Variants in ITGA10 observed in about 807,000 individuals in gnomAD.
ITGA10 encodes integrin subunit alpha 10.
In ITGA10, 105 loss-of-function variants were observed where a neutral mutation model predicts 145.2. The observed-to-expected ratio is 0.72, with a 90% CI of 0.62 to 0.85. The LOEUF is 0.85. Ranked by LOEUF, ITGA10 falls within the 40% of genes least tolerant of loss-of-function variation. ITGA10 has a pLI of 0.00. For synonymous variants in ITGA10, 506 were observed against 557.8 expected, an observed-to-expected ratio of 0.91 and a Z score of 1.31; for missense variants, 1,317 against 1,444.5, an observed-to-expected ratio of 0.91 and a Z score of 1.43.
Position 145,902,230 on chromosome 1 carries a change from G to A in ITGA10, c.1149+16C>T. The stretch of plus-strand genomic sequence containing the variant: ...CAGAGAATGGGAGAAGTAATGAAGG[G>A]GTCAATCTGTCCAACCTTTAGCCGA... On this transcript the variant is annotated intron_variant, in intron 10 of 29. Coordinates refer to ENST00000369304, the MANE Select transcript of ITGA10 (RefSeq NM_003637.5). 13 of 1,612,536 alleles carry A rather than the reference G, an allele frequency of 8.1e-6. No individual in the cohort carries two copies. Among genetic ancestry groups the A allele is most frequent in the Non-Finnish European group, 1.1e-5 (13 of 1,178,660 alleles).
rs1553745516 is a variant in ITGA10, at chr1:145,897,238, C to T, written c.2667+9G>A. On this transcript the variant is annotated intron_variant, in intron 21 of 29. Transcript: ENST00000369304. The stretch of plus-strand genomic sequence containing the variant: ...TAGAGCCCTCTTTTCATCCTAGACC[C>T]CAACCCACCTTGGCTCCAGTCTGGA... 3.7e-6 allele frequency: 6 copies of T among 1,613,880 alleles called. No homozygotes were observed. In the Admixed American group the frequency reaches 8.3e-5, roughly 22 times the overall value.
rs781902825 is a variant in ITGA10, at chr1:145,896,088, G to T, written c.2928C>A (p.Asn976Lys). Residue 976 changes from asparagine (N) to lysine (K), a missense_variant, in exon 25 of 30, where the codon AAC becomes AAA. Coordinates refer to ENST00000369304, the MANE Select transcript of ITGA10 (RefSeq NM_003637.5). ...GGCCACTGACCACATAGCAGCCTAG[G>T]TTCTGAACCTAAGAGGAAGGTTGGG... ...PEFKTTLRVQNLGCYVVSGLI... is the reference protein window; with the variant it reads ...PEFKTTLRVQKLGCYVVSGLI... The T allele has an allele frequency of 1.2e-6, 2 of 1,614,048 alleles. No individual in the cohort carries two copies. Among genetic ancestry groups the T allele is most frequent in the East Asian group, 2.2e-5 (1 of 44,878 alleles).
At position 145,900,125 on chromosome 1, in the gene ITGA10, C is replaced by T. The variant is rs374707170; in HGVS notation, c.1854G>A (p.Arg618=). The change falls in exon 15 of 30, where the codon CGG becomes CGA. Residue 618 remains arginine (R), a synonymous_variant. Transcript: ENST00000369304. ...CCAGATCATCTCCATCCAGATCTAG[C>T]CGACCATCCACACTTCGGCCAAAGT... The part of the protein sequence containing the change: ...LSYFGRSVDG[R]LDLDGDDLVD... 1.9e-4 allele frequency: 305 copies of T among 1,613,906 alleles called. 1 individual carries two copies. Among genetic ancestry groups the T allele is most frequent in the Non-Finnish European group, 2.5e-4 (293 of 1,179,962 alleles).
rs587702228 is a variant in ITGA10 at position 145,900,762 on chromosome 1, G to A, written c.1791+28C>T. On this transcript the variant is annotated intron_variant, in intron 14 of 29. Transcript: ENST00000369304. ...CCCCTATTCCTCTTCCTACAACCGT[G>A]CCCCTGCTTTATTTGGGTACTCCTG... 1.8e-4 allele frequency: 288 copies of A among 1,606,934 alleles called. 2 individuals carry two copies. The African/African-American group carries it at 3.4e-3, about 19-fold the overall frequency.
At chr1:145,894,039 G>T (rs138902904) in intron 27 of ITGA10, among the ~76,000 whole-genome samples, 104 of 149,654 alleles carry the variant, frequency 6.9e-4, no homozygotes, top group African/African-American at 2.5e-3. Flanking sequence ...GATCCTCTAG[G>T]TTAAAGGCTG....
Position 145,901,647 on chromosome 1 carries a change from T to G in ITGA10, c.1312A>C (p.Met438Leu). 1 of 1,575,974 alleles carries G rather than the reference T, an allele frequency of 6.3e-7. No individual in the cohort carries two copies. The highest frequency in any genetic ancestry group is 8.6e-7 in the Non-Finnish European group (1 of 1,163,870). Reference sequence around the variant, plus strand: ...AGGCGGCGTCCACCCCGCAAAAGCATGGAAGAAACAGAGTAACCTAGAAGT... The same window carrying G: ...AGGCGGCGTCCACCCCGCAAAAGCAGGGAAGAAACAGAGTAACCTAGAAGT... ...AAYLGYSVSS[M>L]LLRGGRRLFL... The change falls in exon 12 of 30, where the codon ATG (methionine) becomes CTG (leucine). Residue 438 changes from methionine to leucine, a missense_variant. Met to Leu is a conservative substitution (Grantham distance 15). Transcript: ENST00000369304. This position sits in a 1 kb window ranked among gnomAD's most constrained non-coding sequence, Gnocchi z 4.3.
At chr1:145,900,244 C>T in intron 14 of ITGA10, 57 bp from the exon 15 acceptor site, 1 of 1,516,930 alleles carries the variant, frequency 6.6e-7, no homozygotes. Context: ...TTTCTCAGGC[C>T]TCCTGCCTTG....
rs1553746870 is a variant in ITGA10 at position 145,899,253 on chromosome 1, G to T, written c.2011C>A (p.Gln671Lys). The change falls in exon 16 of 30, where the codon CAA becomes AAA. Residue 671 changes from glutamine to lysine, a missense_variant. Physicochemically the swap from Gln to Lys is moderately conservative, Grantham distance 53. Transcript: ENST00000369304. The part of the protein sequence containing the change: ...VVQRDCRRRG[Q>K]EAVCLTAALC... ...GCTGCAGTCAGACAGACTGCCTCTT[G>T]GCCTCGCCGCCTACAGTCCCTCTGA... 6.2e-7 allele frequency: 1 copy of T among 1,614,230 alleles called. No individual in the cohort carries two copies.
intron 6 of ITGA10, 73 bp from the exon 7 acceptor site, chr1:145,904,273 AAG>A (rs1485842612): frequency 1.4e-6 from 2 of 1,446,532 alleles, no homozygotes; most frequent in African/African-American, 1.4e-5. Flanking sequence ...GAAAGTATAT[AAG>A]AGAGGAGAGA....
intron 1 of ITGA10, among the ~76,000 whole-genome samples, chr1:145,909,605 A>T (rs1480241586): frequency 7.3e-6 from 1 of 137,334 alleles, no homozygotes; most frequent in East Asian, 2.0e-4. Context: ...TATGTATATT[A>T]TATATAATAT....
intron 5 of ITGA10, chr1:145,905,916 A>G (rs587665567): frequency 6.4e-6 from 1 of 156,914 alleles, no homozygotes; most frequent in East Asian, 1.9e-4. Context: ...AGTCTGAATT[A>G]TTATTATTAT....
At chr1:145,898,431 T>C (rs587683567) in intron 17 of ITGA10, among the ~76,000 whole-genome samples, 2 of 152,064 alleles carry the variant, frequency 1.3e-5, no homozygotes, top group African/African-American at 2.4e-5. Context: ...TGCAGTGGCA[T>C]GATCTCGGCT....
Position 145,902,878 on chromosome 1 carries a change from T to C in ITGA10, c.842A>G (p.Asp281Gly). Residue 281 changes from aspartate to glycine, a missense_variant, in exon 8 of 30, where the codon GAT becomes GGT. Asp to Gly is a moderately conservative substitution (Grantham distance 94, BLOSUM62 -1). Transcript: ENST00000369304. ...LVVVTDGESH[D>G]GEELPAALKA... is the part of the protein sequence containing the mutation. Reference sequence around the variant, plus strand: ...TAGTGCTGCAGGAAGCTCCTCTCCATCATGGGACTCTCCATCAGTGACAAC... The same window carrying C: ...TAGTGCTGCAGGAAGCTCCTCTCCACCATGGGACTCTCCATCAGTGACAAC... 6.2e-7 allele frequency: 1 copy of C among 1,613,978 alleles called. No individual in the cohort carries two copies. Among genetic ancestry groups the C allele is most frequent in the Non-Finnish European group, 8.5e-7 (1 of 1,179,952 alleles).
chr1:145,902,478 C>T lies in ITGA10; in HGVS notation c.1051G>A (p.Gly351Arg), dbSNP rs1553749216. ...AALTDIVDAL[G>R]DRIFGLEGSH... ...CCTTCAAGGCCAAAAATCCGATCTC[C>T]TAGTGCATCCACAATGTCAGTCAGA... Residue 351 changes from glycine (G) to arginine (R), a missense_variant, in exon 9 of 30, where the codon GGA becomes AGA. Coordinates refer to ENST00000369304, the MANE Select transcript of ITGA10 (RefSeq NM_003637.5). The T allele has an allele frequency of 1.2e-6, 2 of 1,612,542 alleles. No individual in the cohort carries two copies. The highest frequency in any genetic ancestry group is 1.7e-6 in the Non-Finnish European group (2 of 1,179,206).
chr1:145,902,410 C>T, intron 9 of ITGA10, 44 bp downstream of exon 9: 2 of 1,610,534 alleles, frequency 1.2e-6, no homozygotes, highest in Admixed American at 1.7e-5. Flanking sequence ...ACCTACACTC[C>T]AGAACTTCTC....
At position 145,892,691 on chromosome 1, in the gene ITGA10, T is replaced by C; in HGVS notation, c.*107A>G. 1 of 794,466 alleles carries C rather than the reference T, an allele frequency of 1.3e-6. No homozygotes were observed. The highest frequency in any genetic ancestry group is 1.6e-5 in the South Asian group (1 of 64,042). The allele number at this position is 794,466 out of a possible 1,614,324, so 49.2% of individuals were successfully genotyped here. ...AAGTCAGGCTGCTGGTCTGGGGAGA[T>C]AGTCCAGAGGCGGCTTCTTGTCCCA... On this transcript the variant is annotated 3_prime_UTR_variant, in exon 30 of 30. Coordinates refer to ENST00000369304, the MANE Select transcript of ITGA10 (RefSeq NM_003637.5).
chr1:145,898,107 G>T lies in ITGA10; in HGVS notation c.2346+3C>A. 1.9e-6 allele frequency: 3 copies of T among 1,606,974 alleles called. No individual in the cohort carries two copies. Among genetic ancestry groups the T allele is most frequent in the South Asian group, 2.2e-5 (2 of 90,914 alleles). On this transcript the variant is annotated splice_donor_region_variant and intron_variant, in intron 18 of 29. Coordinates refer to ENST00000369304, the MANE Select transcript of ITGA10 (RefSeq NM_003637.5). ...GCAAGGGGCAGGGCATGGCACTGCT[G>T]ACCAGCTTTTGTATAGAGGTGGGTG...
intron 5 of ITGA10, chr1:145,905,959 A>G (rs1553750883): frequency 5.5e-5 from 9 of 163,570 alleles, no homozygotes; most frequent in Admixed American, 5.2e-4. Flanking sequence ...TTACTCTGTC[A>G]CCCACGCTAG....
At chr1:145,907,223 A>G (rs1553751608) in intron 2 of ITGA10, 73 bp from the exon 3 acceptor site, 7 of 1,574,610 alleles carry the variant, frequency 4.4e-6, no homozygotes, top group African/African-American at 4.0e-5. Context: ...GGGAAAGAGC[A>G]TGGAGGTGGT....
Sources: allele counts gnomAD v4.1 joint callset (sites outside exome capture counted in the v4.1 genomes callset), GRCh38; gene constraint gnomAD v4.1.1; non-coding constraint Gnocchi (gnomAD v3.1); transcripts MANE v1.5; gene names NCBI Gene and HGNC (gene_info 2026-07-23, HGNC 2026-07-21).